The following AFF3 variants were observed in gnomAD, a reference collection of about 807,000 sequenced individuals.
AFF3 encodes the protein ALF transcription elongation factor 3.
A neutral mutation model predicts 129.7 loss-of-function variants in AFF3; 32 were observed. The observed-to-expected ratio is 0.25, with a 90% CI of 0.19 to 0.33. The LOEUF (loss-of-function observed/expected upper bound fraction) is 0.33, where lower values mean the gene tolerates loss of function less well. Ranked by LOEUF, AFF3 falls within the 10% of genes least tolerant of loss-of-function variation. AFF3 has a pLI of 1.00. For synonymous variants in AFF3, 644 were observed against 635.4 expected, an observed-to-expected ratio of 1.01 and a Z score of -0.20; for missense variants, 1,373 against 1,592.0, an observed-to-expected ratio of 0.86 and a Z score of 2.34.
intron 7 of AFF3, among the ~76,000 whole-genome samples, chr2:99,896,556 G>T (rs1425276229): frequency 7.2e-6 from 1 of 138,978 alleles, no homozygotes; most frequent in African/African-American, 2.6e-5. Context: ...GCAGATTTAA[G>T]TGAAATGACT....
chr2:99,852,697 A>G (rs1690238572), intron 7 of AFF3, among the ~76,000 whole-genome samples: 1 of 152,238 alleles, frequency 6.6e-6, no homozygotes, highest in African/African-American at 2.4e-5. Context: ...TTAGATAGTG[A>G]CAAGTACTTG....
intron 7 of AFF3, among the ~76,000 whole-genome samples, chr2:99,893,696 T>C (rs934192292): frequency 2.4e-4 from 37 of 152,216 alleles, no homozygotes; most frequent in Non-Finnish European, 4.6e-4. Context: ...AGCCCAATAA[T>C]GCTCACTGAT....
chr2:99,939,141 TAAGAAAGA>T (rs770440068), intron 7 of AFF3, among the ~76,000 whole-genome samples: 4 of 152,208 alleles, frequency 2.6e-5, no homozygotes, highest in African/African-American at 9.6e-5. Flanking sequence ...ATTTTATGGC[TAAGAAAGA>T]AAGGAAGTGT....
At chr2:100,002,408 CT>C (rs1274072136) in intron 7 of AFF3, among the ~76,000 whole-genome samples, 1 of 152,146 alleles carries the variant, frequency 6.6e-6, no homozygotes, top group African/African-American at 2.4e-5. Flanking sequence ...AGTGCTTCAT[CT>C]TTCTATTCTT....
chr2:99,820,579 C>T (rs1489853172), intron 8 of AFF3, among the ~76,000 whole-genome samples: 1 of 150,582 alleles, frequency 6.6e-6, no homozygotes, highest in East Asian at 2.0e-4. Flanking sequence ...ATTTTTCTTT[C>T]TTCAATAATA....
chr2:99,880,590 C>G (rs1692638274), intron 7 of AFF3, among the ~76,000 whole-genome samples: 1 of 152,146 alleles, frequency 6.6e-6, no homozygotes, highest in Non-Finnish European at 1.5e-5. Context: ...GACCCCTGGC[C>G]TGCATGTCAT....
At chr2:100,141,424 T>C (rs1052931839) in intron 1 of AFF3, among the ~76,000 whole-genome samples, 1 of 152,204 alleles carries the variant, frequency 6.6e-6, no homozygotes, top group Non-Finnish European at 1.5e-5. Context: ...TAGCCCTAGG[T>C]AAAGGAAGGT....
At chr2:99,641,701 G>A (rs913558513) in intron 13 of AFF3, among the ~76,000 whole-genome samples, 17 of 151,982 alleles carry the variant, frequency 1.1e-4, no homozygotes, top group Admixed American at 2.6e-4. Context: ...AAAAGAACAC[G>A]AAATGAAATG....
At chr2:100,021,099 T>G (rs964785878) in intron 4 of AFF3, among the ~76,000 whole-genome samples, 1 of 152,180 alleles carries the variant, frequency 6.6e-6, no homozygotes, top group Non-Finnish European at 1.5e-5. Context: ...TAGTGATTTT[T>G]CCCTCTTGGG....
chr2:100,016,957 G>A (rs905078284), intron 4 of AFF3, among the ~76,000 whole-genome samples: 2 of 151,492 alleles, frequency 1.3e-5, no homozygotes, highest in African/African-American at 4.9e-5. Context: ...AGTTGATGGT[G>A]GTGATGATGG....
intron 7 of AFF3, among the ~76,000 whole-genome samples, chr2:99,938,152 A>G (rs1674699210): frequency 6.6e-6 from 1 of 152,228 alleles, no homozygotes; most frequent in Non-Finnish European, 1.5e-5. Context: ...AACTGCTCAA[A>G]AAACAGTAAC....
chr2:99,933,334 C>CT (rs145951641), intron 7 of AFF3, among the ~76,000 whole-genome samples: 3,563 of 151,256 alleles, frequency 0.024, 122 homozygotes, highest in African/African-American at 0.08. Flanking sequence ...TGGAAAGACT[C>CT]TTTTTTTTTA....
intron 11 of AFF3, among the ~76,000 whole-genome samples, chr2:99,690,927 G>A (rs1675597853): frequency 6.6e-6 from 1 of 151,984 alleles, no homozygotes; most frequent in Non-Finnish European, 1.5e-5. Context: ...TAACAGCATG[G>A]TGGGCAGTGC....
intron 4 of AFF3, among the ~76,000 whole-genome samples, chr2:100,039,067 A>G (rs756238371): frequency 1.8e-4 from 28 of 152,110 alleles, no homozygotes; most frequent in Admixed American, 3.3e-4. Context: ...TTTTTCTGAA[A>G]TTAATTGTTT....
At position 99,593,771 on chromosome 2, in the gene AFF3, A is replaced by G; in HGVS notation, c.1890T>C (p.Cys630=). The G allele has an allele frequency of 6.2e-7, 1 of 1,612,456 alleles. No individual in the cohort carries two copies. Among genetic ancestry groups the G allele is most frequent in the South Asian group, 1.1e-5 (1 of 91,042 alleles). The change falls in exon 15 of 25, where the codon TGT becomes TGC. Residue 630 remains cysteine (C), a synonymous_variant. Coordinates refer to ENST00000672756, the MANE Select transcript of AFF3 (RefSeq NM_001386135.1). Reference sequence around the variant, plus strand: ...TGCGGTGGCTCGCTCTGTTGTTGCCACAGGGCCTGGTTTTGGTGGGCTCCG... The same window carrying G: ...TGCGGTGGCTCGCTCTGTTGTTGCCGCAGGGCCTGGTTTTGGTGGGCTCCG... ...VPPEPTKTRP[C]GNNRASHRKE...
chr2:100,078,468 G>A (rs576254598), intron 4 of AFF3, among the ~76,000 whole-genome samples: 1 of 152,222 alleles, frequency 6.6e-6, no homozygotes, highest in South Asian at 2.1e-4. Flanking sequence ...AATTCTCTCT[G>A]CAGGAATATC....
Position 100,015,922 on chromosome 2 carries a change from G to A in AFF3, c.54-6990C>T, listed in dbSNP as rs183136066. The stretch of plus-strand genomic sequence containing the variant: ...TGGCAGTAGTGTTGGTGGTAGTGAT[G>A]GTGATGATGGTTATGATGGTGGTGG... On this transcript the variant is annotated intron_variant, in intron 4 of 24. Transcript: ENST00000672756. Among the ~76,000 whole-genome samples, 181 of 152,230 alleles carry A rather than the reference G, an allele frequency of 1.2e-3. 1 individual carries two copies. Among genetic ancestry groups the A allele is most frequent in the African/African-American group, 4.0e-3 (167 of 41,534 alleles).
chr2:99,547,062 A>G lies in AFF3; in HGVS notation c.*4412T>C. ...AAAACATACTTCTTTTCCATGAAAA[A>G]TGTCAGACTTCATACTGATAATCTG... On this transcript the variant is annotated 3_prime_UTR_variant, in exon 25 of 25. Transcript: ENST00000672756. 1 of 219,842 alleles carries G rather than the reference A, an allele frequency of 4.5e-6. No homozygotes were observed. Among genetic ancestry groups the G allele is most frequent in the Non-Finnish European group, 9.1e-6 (1 of 109,674 alleles). The allele number at this position is 219,842 out of a possible 1,614,324, so 13.6% of individuals were successfully genotyped here. A position where few individuals can be genotyped will look rare whatever the true frequency, so the allele number is the denominator to read the frequency against.
intron 13 of AFF3, among the ~76,000 whole-genome samples, chr2:99,622,242 A>G (rs546297922): frequency 6.6e-6 from 1 of 152,282 alleles, no homozygotes; most frequent in East Asian, 1.9e-4. Flanking sequence ...TGCACTGCAG[A>G]GGCTGTGCCC....
Sources: allele counts gnomAD v4.1 joint callset (sites outside exome capture counted in the v4.1 genomes callset), GRCh38; gene constraint gnomAD v4.1.1; transcripts MANE v1.5; gene names NCBI Gene and HGNC (gene_info 2026-07-23, HGNC 2026-07-21).